Variants in MRI1 observed in about 807,000 individuals in gnomAD.
The protein encoded by MRI1 is methylthioribose-1-phosphate isomerase 1.
A neutral mutation model predicts 27.3 loss-of-function variants in MRI1; 32 were observed. That is an observed-to-expected ratio of 1.17 (90% CI 0.88 to 1.57). MRI1 has a LOEUF of 1.57. Among genes scored for constraint, MRI1 ranks in the 40% most tolerant of loss-of-function variants. The pLI is 0.00. For synonymous variants in MRI1, 216 were observed against 227.4 expected (o/e 0.95, Z 0.45); for missense variants, 508 against 516.1 (o/e 0.98, Z 0.15).
intron 5 of MRI1, among the ~76,000 whole-genome samples, chr19:13,769,717 C>T (rs569203825): frequency 4.0e-5 from 6 of 151,656 alleles, no homozygotes; most frequent in African/African-American, 1.2e-4. Flanking sequence ...GTCAGGAGTT[C>T]GAGACCAGCC....
At chr19:13,768,285 CTG>C (rs1271306500) in intron 3 of MRI1, 2 of 784,078 alleles carry the variant, frequency 2.6e-6, no homozygotes, top group African/African-American at 3.4e-5. Context: ...GAGCAGGAAA[CTG>C]AAAGTGTGGG....
rs777005904 is a variant in MRI1, at chr19:13,768,916, G to C, written c.817G>C (p.Gly273Arg). 11 of 1,613,996 alleles carry C rather than the reference G, an allele frequency of 6.8e-6. No individual in the cohort carries two copies. The highest frequency in any genetic ancestry group is 1.3e-5 in the African/African-American group (1 of 74,922). The change falls in exon 5 of 6, where the codon GGC becomes CGC. Residue 273 changes from glycine to arginine, a missense_variant. Physicochemically the swap from Gly to Arg is moderately radical, Grantham distance 125 (BLOSUM62 -2). Transcript: ENST00000040663. ...YQLAIVAKHH[G>R]IPFYVAAPSS... Reference sequence around the variant, plus strand: ...GCTGGCCATTGTCGCCAAGCACCATGGCATTCCCTTCTACGTGGCTGCCCC... The same window carrying C: ...GCTGGCCATTGTCGCCAAGCACCATCGCATTCCCTTCTACGTGGCTGCCCC...
intron 5 of MRI1, among the ~76,000 whole-genome samples, chr19:13,771,088 T>C (rs891219727): frequency 6.6e-6 from 1 of 151,284 alleles, no homozygotes. Context: ...CCAGGTGTGG[T>C]GGTTCATGAT....
At chr19:13,770,563 G>T (rs940797707) in intron 5 of MRI1, among the ~76,000 whole-genome samples, 1 of 151,144 alleles carries the variant, frequency 6.6e-6, no homozygotes, top group Admixed American at 6.6e-5. Context: ...CTCCAGTCTG[G>T]GTGACAGAGC....
Position 13,764,572 on chromosome 19 carries a change from G to A in MRI1, c.-17G>A, listed in dbSNP as rs1327656823. On this transcript the variant is annotated 5_prime_UTR_variant, in exon 1 of 6. Transcript: ENST00000040663. ...CCCTAGCTCCCTCTGAGTTGCGCTG[G>A]GCTTGGCTGCTGCACCATGACCCTG... The A allele has an allele frequency of 6.2e-7, 1 of 1,605,254 alleles. No homozygotes were observed. Among genetic ancestry groups the A allele is most frequent in the East Asian group, 2.2e-5 (1 of 44,740 alleles).
intron 3 of MRI1, among the ~76,000 whole-genome samples, chr19:13,766,842 G>A (rs1020919606): frequency 6.6e-6 from 1 of 151,450 alleles, no homozygotes; most frequent in African/African-American, 2.4e-5. Flanking sequence ...TGCTCTCAGG[G>A]GTCCCAGGGA....
chr19:13,765,606 T>A (rs1472587536), intron 2 of MRI1, among the ~76,000 whole-genome samples: 1 of 152,128 alleles, frequency 6.6e-6, no homozygotes, highest in Non-Finnish European at 1.5e-5. Flanking sequence ...CCTCCACCAT[T>A]CTATATGATC....
At position 13,764,951 on chromosome 19, in the gene MRI1, A is replaced by G. The variant is rs1974083780; in HGVS notation, c.213A>G (p.Gly71=). ...TGCAGGCGGGCGCCGGGGGACCGGG[A>G]CTCGCCGCGCTCGTGGCCTTCGTGC... ...VELQAGAGGP[G]LAALVAFVRD... is the part of the protein sequence containing the mutation. Residue 71 remains glycine, a synonymous_variant, in exon 2 of 6, where the codon GGA becomes GGG. Transcript: ENST00000040663. 1.3e-6 allele frequency: 2 copies of G among 1,506,362 alleles called. No individual in the cohort carries two copies. The highest frequency in any genetic ancestry group is 1.8e-6 in the Non-Finnish European group (2 of 1,133,614). 93.3% of individuals were successfully genotyped at this position (1,506,362 alleles called of 1,614,324 possible). A position where few individuals can be genotyped will look rare whatever the true frequency, so the allele number is the denominator to read the frequency against.
chr19:13,766,988 G>A (rs1974138086), intron 3 of MRI1, among the ~76,000 whole-genome samples: 1 of 128,030 alleles, frequency 7.8e-6, no homozygotes, highest in South Asian at 2.5e-4. Flanking sequence ...CATCATATTT[G>A]CATGACCTAT....
chr19:13,765,307 C>G (rs1355765568), intron 2 of MRI1, among the ~76,000 whole-genome samples, 198 bp downstream of exon 2: 2 of 152,166 alleles, frequency 1.3e-5, no homozygotes, highest in Non-Finnish European at 2.9e-5. Flanking sequence ...GGCCCAGAGT[C>G]TAGCCTGGGC....
At chr19:13,768,796 C>G in intron 4 of MRI1, 28 bp from the exon 5 acceptor site, 1 of 1,592,686 alleles carries the variant, frequency 6.3e-7, no homozygotes, top group South Asian at 1.1e-5. Context: ...GGTAATGACC[C>G]CCAACTTCTC....
At chr19:13,766,915 G>T (rs1339841543) in intron 3 of MRI1, among the ~76,000 whole-genome samples, 3 of 149,850 alleles carry the variant, frequency 2.0e-5, no homozygotes, top group African/African-American at 4.9e-5. Flanking sequence ...GTGGGGGACT[G>T]GTTCCAGGAC....
In MRI1 at chr19:13,765,255, G is replaced by A. The variant is rs987379189; in HGVS notation, c.371+146G>A. The A allele has an allele frequency of 1.4e-5, 9 of 621,272 alleles. No homozygotes were observed. The Admixed American group carries it at 2.0e-4, about 14-fold the overall frequency. 38.5% of individuals were successfully genotyped at this position (621,272 alleles called of 1,614,324 possible). On this transcript the variant is annotated intron_variant, in intron 2 of 5. Transcript: ENST00000040663. ...GGGCCCCACAGATGGGGAGACTGAG[G>A]CACGGCGACCTTAAGTCCCTTGTCC... is the stretch of plus-strand genomic sequence containing the variant.
intron 3 of MRI1, among the ~76,000 whole-genome samples, chr19:13,767,354 A>G (rs1974160321): frequency 6.6e-6 from 1 of 151,952 alleles, no homozygotes; most frequent in South Asian, 2.1e-4. Context: ...GCCCACCCCT[A>G]TATTTTAAAT....
In MRI1 at chr19:13,767,973, A is replaced by G. The variant is rs565400665; in HGVS notation, c.548-588A>G. On this transcript the variant is annotated intron_variant, in intron 3 of 5. Transcript: ENST00000040663. ...AAGCTCCGCCTCCCAGGTTCACGCC[A>G]TTCTCCTGCCTCCGCCTCTCGAGTA... is the stretch of plus-strand genomic sequence containing the variant. Among the ~76,000 whole-genome samples, 13 of 141,550 alleles carry G rather than the reference A, an allele frequency of 9.2e-5. No homozygotes were observed. The East Asian group carries it at 1.5e-3, about 16-fold the overall frequency. 92.9% of individuals were successfully genotyped at this position (141,550 alleles called of 152,430 possible).
In MRI1 at chr19:13,773,319, T is replaced by C. The variant is rs1366280251; in HGVS notation, c.*1038T>C. On this transcript the variant is annotated 3_prime_UTR_variant, in exon 6 of 6. Coordinates refer to ENST00000040663, the MANE Select transcript of MRI1 (RefSeq NM_001031727.4). Reference sequence around the variant, plus strand: ...CACTGTGCCTGACCTTACAGCAGTATTTTTTAAAAATCAAAATTAATGCAA... The same window carrying C: ...CACTGTGCCTGACCTTACAGCAGTACTTTTTAAAAATCAAAATTAATGCAA... 6.6e-6 allele frequency: 1 copy of C among 152,104 alleles called. No individual in the cohort carries two copies. Among genetic ancestry groups the C allele is most frequent in the Admixed American group, 6.6e-5 (1 of 15,264 alleles). 9.4% of individuals were successfully genotyped at this position (152,104 alleles called of 1,614,324 possible).
intron 3 of MRI1, among the ~76,000 whole-genome samples, chr19:13,767,563 G>A (rs1025379283): frequency 6.6e-5 from 10 of 151,862 alleles, no homozygotes; most frequent in Non-Finnish European, 1.0e-4. Context: ...CCAGCACTTC[G>A]GGAGGCCAAG....
At chr19:13,766,470 C>T (rs562053901) in intron 3 of MRI1, among the ~76,000 whole-genome samples, 3 of 152,152 alleles carry the variant, frequency 2.0e-5, no homozygotes, top group Non-Finnish European at 4.4e-5. Flanking sequence ...GGCACCTGCC[C>T]ATCCCAGAGC....
At position 13,764,636 on chromosome 19, in the gene MRI1, A is replaced by C; in HGVS notation, c.48A>C (p.Leu16=). The C allele has an allele frequency of 6.2e-7, 1 of 1,608,438 alleles. No individual in the cohort carries two copies. Among genetic ancestry groups the C allele is most frequent in the Non-Finnish European group, 8.5e-7 (1 of 1,178,968 alleles). ...ACTCGCGGGGCTCCCTGCAGATCCT[A>C]GACCAGCTGCTGCTGCCCAAGCAGA... ...IRYSRGSLQI[L]DQLLLPKQSR... Residue 16 remains leucine (L), a synonymous_variant, in exon 1 of 6, where the codon CTA becomes CTC. Transcript: ENST00000040663.
Sources: allele counts gnomAD v4.1 joint callset (sites outside exome capture counted in the v4.1 genomes callset), GRCh38; gene constraint gnomAD v4.1.1; transcripts MANE v1.5; gene names NCBI Gene and HGNC (gene_info 2026-07-23, HGNC 2026-07-21).